The following TMEM67 variants were observed in gnomAD, a reference collection of about 807,000 sequenced individuals.
TMEM67 encodes the protein meckelin.
In TMEM67, 124 loss-of-function variants were observed where a neutral mutation model predicts 136.6. The ratio of observed to expected loss-of-function variants is 0.91; its 90% confidence interval spans 0.78 to 1.05. TMEM67 has a LOEUF of 1.05. Ranked by LOEUF, TMEM67 falls within the 50% of genes least tolerant of loss-of-function variation. TMEM67 has a pLI of 0.00. For synonymous variants in TMEM67, 364 were observed against 390.5 expected, an observed-to-expected ratio of 0.93 and a Z score of 0.80; for missense variants, 1,107 against 1,178.4, an observed-to-expected ratio of 0.94 and a Z score of 0.89.
At chr8:93,762,910 A>G in intron 3 of TMEM67, 1 of 432,680 alleles carries the variant, frequency 2.3e-6, no homozygotes, top group Non-Finnish European at 4.6e-6. Flanking sequence ...GCTCTGTTAG[A>G]TTTACCTGAT....
At chr8:93,819,962 C>G (rs1809017169), downstream of TMEM67, among the ~76,000 whole-genome samples, 1 of 152,050 alleles carries the variant, frequency 6.6e-6, no homozygotes, top group Non-Finnish European at 1.5e-5. Context: ...TCTGTCTGGC[C>G]CTGAAACCCT....
chr8:93,818,930 T>C, downstream of TMEM67: 1 of 365,294 alleles, frequency 2.7e-6, no homozygotes, highest in Non-Finnish European at 5.2e-6. Context: ...GCCTCCCAAG[T>C]AGCTGGAACA....
chr8:93,796,135 C>CT, intron 18 of TMEM67, 148 bp downstream of exon 18: 1 of 655,762 alleles, frequency 1.5e-6, no homozygotes, highest in Non-Finnish European at 2.7e-6. Flanking sequence ...GGTAAATTTA[C>CT]TTTTATTTAT....
chr8:93,769,336 T>C (rs941237414), intron 6 of TMEM67, among the ~76,000 whole-genome samples: 1 of 152,200 alleles, frequency 6.6e-6, no homozygotes, highest in African/African-American at 2.4e-5. Context: ...GTCAGCCGGA[T>C]TCCATATCCC....
chr8:93,802,055 C>A (rs534329179), intron 21 of TMEM67, among the ~76,000 whole-genome samples: 15 of 152,158 alleles, frequency 9.9e-5, no homozygotes, highest in Admixed American at 7.2e-4. Context: ...TATAACACAA[C>A]CAAAATCAAA....
intron 6 of TMEM67, among the ~76,000 whole-genome samples, chr8:93,770,020 A>T (rs1018244574): frequency 6.6e-6 from 1 of 152,200 alleles, no homozygotes; most frequent in Non-Finnish European, 1.5e-5. Context: ...TTTCACATAC[A>T]TGAGTTAGTG....
chr8:93,784,717 C>T (rs1173089926), intron 11 of TMEM67, among the ~76,000 whole-genome samples: 2 of 152,094 alleles, frequency 1.3e-5, no homozygotes, highest in African/African-American at 4.8e-5. Context: ...GAGAGACATA[C>T]AGTAGTATGG....
intron 12 of TMEM67, chr8:93,785,681 A>G: frequency 3.7e-6 from 1 of 268,032 alleles, no homozygotes; most frequent in East Asian, 8.1e-5. Flanking sequence ...GCTTTTTTGG[A>G]CAAATTAGTT....
At position 93,780,719 on chromosome 8, in the gene TMEM67, C is replaced by T. The variant is rs1351074194; in HGVS notation, c.841C>T (p.Leu281=). ...GTTTATCTTTGAAAATACTGCTGGACTGAGCACTGTTCATTCTATTTCATT... is the reference window on the plus strand; with the variant it reads ...GTTTATCTTTGAAAATACTGCTGGATTGAGCACTGTTCATTCTATTTCATT... ...FQFIFENTAG[L]STVHSISFWR... is the part of the protein sequence containing the mutation. Residue 281 remains leucine, a synonymous_variant, in exon 8 of 28, where the codon CTG becomes TTG. Coordinates refer to ENST00000453321, the MANE Select transcript of TMEM67 (RefSeq NM_153704.6). 1.2e-6 allele frequency: 2 copies of T among 1,613,986 alleles called. No individual in the cohort carries two copies. Among genetic ancestry groups the T allele is most frequent in the South Asian group, 1.1e-5 (1 of 91,082 alleles).
At position 93,772,641 on chromosome 8, in the gene TMEM67, C is replaced by T; in HGVS notation, c.704C>T (p.Ala235Val). ...WFAKYLQSSAAACWVYANLTS... is the reference protein window; with the variant it reads ...WFAKYLQSSAVACWVYANLTS... Reference sequence around the variant, plus strand: ...GCAAAGTATTTGCAATCATCAGCAGCTGCATGTTGGGTAAGTTTGAATTTT... The same window carrying T: ...GCAAAGTATTTGCAATCATCAGCAGTTGCATGTTGGGTAAGTTTGAATTTT... The change falls in exon 7 of 28, where the codon GCT becomes GTT. Residue 235 changes from alanine to valine, a missense_variant. Around this residue, in one of 3 missense-constraint regions of TMEM67, gnomAD observed 925 missense variants for 1,002.4 expected, o/e 0.92. Coordinates refer to ENST00000453321, the MANE Select transcript of TMEM67 (RefSeq NM_153704.6). 3 of 1,611,486 alleles carry T rather than the reference C, an allele frequency of 1.9e-6. No homozygotes were observed. Among genetic ancestry groups the T allele is most frequent in the Non-Finnish European group, 1.7e-6 (2 of 1,178,424 alleles).
chr8:93,774,944 C>G (rs539325020), intron 7 of TMEM67, among the ~76,000 whole-genome samples: 3 of 152,320 alleles, frequency 2.0e-5, no homozygotes, highest in Non-Finnish European at 2.9e-5. Context: ...CACTGTCTTC[C>G]ACAATGGTTG....
chr8:93,763,665 G>C (rs965248386), intron 3 of TMEM67, among the ~76,000 whole-genome samples, 177 bp from the exon 4 acceptor site: 1 of 152,134 alleles, frequency 6.6e-6, no homozygotes, highest in African/African-American at 2.4e-5. Context: ...GGTACGAAGG[G>C]ATCACTTCTC....
chr8:93,773,460 A>G (rs897534608), intron 7 of TMEM67, among the ~76,000 whole-genome samples: 1 of 152,200 alleles, frequency 6.6e-6, no homozygotes, highest in Non-Finnish European at 1.5e-5. Flanking sequence ...GTAAGGGACC[A>G]TTTAGGAGAG....
chr8:93,818,191 A>T (rs543971209), downstream of TMEM67: 1 of 152,198 alleles, frequency 6.6e-6, no homozygotes, highest in Non-Finnish European at 1.5e-5. Flanking sequence ...TATTCACTAG[A>T]TTCATTACCC....
intron 23 of TMEM67, among the ~76,000 whole-genome samples, chr8:93,806,935 AAT>A (rs552068199): frequency 1.7e-3 from 262 of 152,274 alleles, no homozygotes; most frequent in African/African-American, 6.1e-3. Flanking sequence ...ACTTTTAACA[AAT>A]ATGACAAAGA....
At chr8:93,802,843 G>T (rs1328383454) in intron 21 of TMEM67, among the ~76,000 whole-genome samples, 1 of 152,178 alleles carries the variant, frequency 6.6e-6, no homozygotes, top group Non-Finnish European at 1.5e-5. Flanking sequence ...ATATTTGAGT[G>T]CATTTTATGT....
At chr8:93,826,907 G>T in the TMEM67 span, among the ~76,000 whole-genome samples, 1 of 152,070 alleles carries the variant, frequency 6.6e-6, no homozygotes, top group Non-Finnish European at 1.5e-5. Context: ...TCGGCTCACC[G>T]CAACCTCTGC....
At chr8:93,769,427 A>G (rs1407834631) in intron 6 of TMEM67, 1 of 163,346 alleles carries the variant, frequency 6.1e-6, no homozygotes, top group Middle Eastern at 3.1e-3. Flanking sequence ...ATTTGCCATG[A>G]ATGTCTGTCC....
chr8:93,776,359 A>C (rs185905386), intron 7 of TMEM67, among the ~76,000 whole-genome samples: 231 of 152,224 alleles, frequency 1.5e-3, no homozygotes, highest in Non-Finnish European at 2.6e-3. Context: ...CTCTTGCCTG[A>C]TTGCCCTGGC....
Sources: gnomAD v4.1 joint callset for allele counts (sites outside exome capture counted in the v4.1 genomes callset) on GRCh38, gnomAD v4.1.1 for gene constraint, gnomAD v4.1.1 regional missense constraint, MANE v1.5 for transcripts, NCBI Gene and HGNC (gene_info 2026-07-23, HGNC 2026-07-21) for gene names.